CCL28: variants seen among roughly 807,000 people sequenced by gnomAD.
CCL28 encodes the protein C-C motif chemokine ligand 28.
CCL28 carries 4 observed loss-of-function variants against 7.1 expected under a neutral mutation model. The observed-to-expected ratio is 0.56, with a 90% CI of 0.28 to 1.29. CCL28 has a LOEUF of 1.29. CCL28 is among the 50% of genes most tolerant of loss of function. The probability of loss-of-function intolerance (pLI) is 0.11; values close to 1 mark genes in which losing one functional copy is unlikely to be tolerated. For missense variants in CCL28, 151 were observed against 163.4 expected, an observed-to-expected ratio of 0.92 and a Z score of 0.41; for synonymous variants, 55 against 57.8, an observed-to-expected ratio of 0.95 and a Z score of 0.22.
intron 1 of CCL28, among the ~76,000 whole-genome samples, chr5:43,395,519 A>C (rs914701140): frequency 6.6e-6 from 1 of 152,072 alleles, no homozygotes; most frequent in Non-Finnish European, 1.5e-5. Context: ...TCTACAAAAA[A>C]TTTAAAAGAT....
chr5:43,396,747 G>A (rs1740821453), intron 1 of CCL28, among the ~76,000 whole-genome samples: 1 of 152,020 alleles, frequency 6.6e-6, no homozygotes, highest in Non-Finnish European at 1.5e-5. Context: ...AGGAAACAAA[G>A]CACGAGAAAA....
At chr5:43,411,883 G>A (rs570683020) in intron 1 of CCL28, among the ~76,000 whole-genome samples, 2 of 152,220 alleles carry the variant, frequency 1.3e-5, no homozygotes, top group Non-Finnish European at 2.9e-5. Flanking sequence ...TGTTCAGACC[G>A]TTTAGCAGGT....
chr5:43,371,664 C>T (rs142302230), downstream of CCL28, among the ~76,000 whole-genome samples: 318 of 152,328 alleles, frequency 2.1e-3, no homozygotes, highest in African/African-American at 7.2e-3. Context: ...TGCAGACATT[C>T]TAACTGCAAC....
chr5:43,379,121 A>G (rs938031303), downstream of CCL28: 2 of 152,230 alleles, frequency 1.3e-5, no homozygotes, highest in African/African-American at 4.8e-5. Context: ...GTAGAATTGC[A>G]GATCGATCTA....
rs535094042 is a variant in CCL28 at position 43,379,466 on chromosome 5, C to G, written c.*2394G>C. The stretch of plus-strand genomic sequence containing the variant: ...GGGCAAGTCATTTTACCTCTAAGAG[C>G]CTCAAATTTCCTCATCTATAAAGTG... On this transcript the variant is annotated 3_prime_UTR_variant, in exon 3 of 3. Transcript: ENST00000361115. 1 of 152,268 alleles carries G rather than the reference C, an allele frequency of 6.6e-6. No homozygotes were observed. Among genetic ancestry groups the G allele is most frequent in the East Asian group, 1.9e-4 (1 of 5,194 alleles). 9.4% of individuals were successfully genotyped at this position (152,268 alleles called of 1,614,324 possible).
At chr5:43,364,606 T>TA in the CCL28 span, among the ~76,000 whole-genome samples, 6 of 151,964 alleles carry the variant, frequency 3.9e-5, no homozygotes, top group East Asian at 7.7e-4. Flanking sequence ...ATTTCAGTTC[T>TA]AAAAAAAATG....
intron 1 of CCL28, among the ~76,000 whole-genome samples, chr5:43,404,426 A>G (rs1741178641): frequency 6.6e-6 from 1 of 152,210 alleles, no homozygotes; most frequent in South Asian, 2.1e-4. Flanking sequence ...TAAGTGAAGG[A>G]GAAATAAACC....
downstream of CCL28, among the ~76,000 whole-genome samples, chr5:43,375,717 G>C (rs992819875): frequency 1.3e-5 from 2 of 152,154 alleles, no homozygotes; most frequent in African/African-American, 4.8e-5. Context: ...TGGGGCCGGG[G>C]ATGGTGGCTC....
rs992682512 is a variant in CCL28, at chr5:43,409,823, C to A, written c.64+2430G>T. ...GTCCTAGATTGTGGGTTTAAATAAT[C>A]AGGCTCAGGGCCACCGAAACAGGAT... On this transcript the variant is annotated intron_variant, in intron 1 of 2. Coordinates refer to ENST00000361115, the MANE Select transcript of CCL28 (RefSeq NM_148672.3). Among the ~76,000 whole-genome samples the A allele has an allele frequency of 2.0e-5, 3 of 152,066 alleles. No homozygotes were observed. The East Asian group carries it at 5.8e-4, about 29-fold the overall frequency.
At chr5:43,408,647 A>G (rs1426925556) in intron 1 of CCL28, among the ~76,000 whole-genome samples, 1 of 152,162 alleles carries the variant, frequency 6.6e-6, no homozygotes, top group Non-Finnish European at 1.5e-5. Flanking sequence ...ATAAAAAAAA[A>G]TTGGTGTGGA....
At chr5:43,360,218 C>G in the CCL28 span, among the ~76,000 whole-genome samples, 1 of 152,038 alleles carries the variant, frequency 6.6e-6, no homozygotes, top group African/African-American at 2.4e-5. Flanking sequence ...AATATTCTCC[C>G]TTGGTCCCCA....
downstream of CCL28, among the ~76,000 whole-genome samples, chr5:43,378,297 G>A (rs1342672535): frequency 6.6e-6 from 1 of 152,148 alleles, no homozygotes; most frequent in Non-Finnish European, 1.5e-5. Flanking sequence ...ATTGCAATAA[G>A]CCCAGATTGC....
chr5:43,359,783 T>G, the CCL28 span, among the ~76,000 whole-genome samples: 2 of 152,162 alleles, frequency 1.3e-5, no homozygotes, highest in African/African-American at 4.8e-5. Flanking sequence ...ACTGGTCTTT[T>G]GAGATTTTTT....
chr5:43,406,167 T>C (rs1741268215), intron 1 of CCL28, among the ~76,000 whole-genome samples: 1 of 152,064 alleles, frequency 6.6e-6, no homozygotes, highest in African/African-American at 2.4e-5. Flanking sequence ...ATCATCCTGA[T>C]ACCAAAGCCT....
chr5:43,378,251 T>C (rs554749293), downstream of CCL28, among the ~76,000 whole-genome samples: 111 of 131,220 alleles, frequency 8.5e-4, no homozygotes, highest in Admixed American at 2.0e-3. Context: ...CTAGGGAGGC[T>C]GAGGTAAAAG....
chr5:43,376,060 T>C (rs772963129), downstream of CCL28, among the ~76,000 whole-genome samples: 27 of 152,134 alleles, frequency 1.8e-4, no homozygotes, highest in Non-Finnish European at 3.2e-4. Context: ...GCTCCTATGA[T>C]TAAGTCACTA....
At chr5:43,409,628 C>G (rs956597819) in intron 1 of CCL28, among the ~76,000 whole-genome samples, 4 of 152,032 alleles carry the variant, frequency 2.6e-5, no homozygotes, top group African/African-American at 2.4e-5. Flanking sequence ...ATGCAAGCAG[C>G]AAATCTCTAG....
chr5:43,393,418 A>G (rs1399566530), intron 1 of CCL28, among the ~76,000 whole-genome samples: 4 of 151,576 alleles, frequency 2.6e-5, no homozygotes, highest in African/African-American at 7.3e-5. Flanking sequence ...GCAGTGGCAC[A>G]ATCTCGGCTC....
the CCL28 span, among the ~76,000 whole-genome samples, chr5:43,363,078 A>T: frequency 6.6e-6 from 1 of 152,188 alleles, no homozygotes; most frequent in African/African-American, 2.4e-5. Flanking sequence ...GAACTAGAGT[A>T]TTTCCTTTTC....
Sources: gnomAD v4.1 joint callset for allele counts (sites outside exome capture counted in the v4.1 genomes callset) on GRCh38, gnomAD v4.1.1 for gene constraint, MANE v1.5 for transcripts, NCBI Gene and HGNC (gene_info 2026-07-23, HGNC 2026-07-21) for gene names.